The following TTLL13 variants were observed in gnomAD, a reference collection of about 807,000 sequenced individuals.
TTLL13 encodes the protein tubulin polyglutamylase TTLL13.
the TTLL13 span, chr15:90,258,718 G>T: frequency 6.2e-7 from 1 of 1,601,324 alleles, no homozygotes; most frequent in Non-Finnish European, 8.6e-7. Context: ...CTGGGAAAGG[G>T]GTGTATAATG....
chr15:90,255,971 T>A, the TTLL13 span: 53 of 1,595,878 alleles, frequency 3.3e-5, no homozygotes, highest in East Asian at 1.1e-3. Flanking sequence ...CCTAGGAATG[T>A]CTCAGAGGGA....
chr15:90,250,724 C>G, the TTLL13 span: 1 of 1,614,132 alleles, frequency 6.2e-7, no homozygotes, highest in Admixed American at 1.7e-5. Context: ...AGTTACCAAC[C>G]CCTCTAACTC....
chr15:90,256,652 C>G, the TTLL13 span, among the ~76,000 whole-genome samples: 1 of 135,404 alleles, frequency 7.4e-6, no homozygotes, highest in East Asian at 2.1e-4. Context: ...TTTCTTTCTC[C>G]CTTTCCTTCC....
chr15:90,264,257 T>C, the TTLL13 span, among the ~76,000 whole-genome samples: 1 of 152,158 alleles, frequency 6.6e-6, no homozygotes, highest in Admixed American at 6.6e-5. Flanking sequence ...AATGGCTTGA[T>C]CTCACTTCAC....
the TTLL13 span, chr15:90,253,504 T>C: frequency 1.9e-6 from 1 of 515,498 alleles, no homozygotes; most frequent in Non-Finnish European, 3.4e-6. Flanking sequence ...ACCCCCAGGG[T>C]CTTCTTTTCC....
At chr15:90,257,359 T>C in the TTLL13 span, 1 of 1,520,310 alleles carries the variant, frequency 6.6e-7, no homozygotes, top group Non-Finnish European at 8.8e-7. Context: ...GTAGAGAGGT[T>C]TGTCACTGTC....
At chr15:90,249,732 A>T in the TTLL13 span, 1 of 152,244 alleles carries the variant, frequency 6.6e-6, no homozygotes, top group Non-Finnish European at 1.5e-5. Context: ...AAGAGGGGAC[A>T]TGAGCGGCCA....
chr15:90,264,870 A>G, the TTLL13 span: 3 of 1,535,988 alleles, frequency 2.0e-6, no homozygotes, highest in Non-Finnish European at 2.6e-6. Flanking sequence ...TCCATGGTAA[A>G]CTCTGAACAC....
chr15:90,256,520 C>CTT, the TTLL13 span, among the ~76,000 whole-genome samples: 1 of 152,178 alleles, frequency 6.6e-6, no homozygotes, highest in Non-Finnish European at 1.5e-5. Flanking sequence ...TTCTTACCCT[C>CTT]TCTCTGTGCC....
the TTLL13 span, chr15:90,257,489 C>A: frequency 2.1e-6 from 2 of 970,714 alleles, no homozygotes; most frequent in Non-Finnish European, 3.0e-6. Flanking sequence ...CACTCTTCCC[C>A]AGGATCATCT....
the TTLL13 span, chr15:90,265,177 G>A: frequency 7.7e-7 from 1 of 1,295,884 alleles, no homozygotes; most frequent in Non-Finnish European, 1.0e-6. Flanking sequence ...AGAAGATGAA[G>A]AGGCGCCAAG....
chr15:90,260,724 G>A, the TTLL13 span, among the ~76,000 whole-genome samples: 1 of 151,612 alleles, frequency 6.6e-6, no homozygotes, highest in Non-Finnish European at 1.5e-5. Context: ...GGTGGTGCAT[G>A]CCTGTAATCC....
chr15:90,263,665 TCAG>T, the TTLL13 span: 1 of 605,622 alleles, frequency 1.7e-6, no homozygotes, highest in Non-Finnish European at 2.9e-6. Context: ...GAGATTTTTT[TCAG>T]TTACCTCCTT....
At chr15:90,257,020 A>G in the TTLL13 span, 1 of 1,002,098 alleles carries the variant, frequency 1.0e-6, no homozygotes, top group East Asian at 2.7e-5. Context: ...AATAACAGTA[A>G]CTATTTTACA....
the TTLL13 span, chr15:90,258,367 A>C: frequency 9.5e-7 from 1 of 1,055,300 alleles, no homozygotes; most frequent in Non-Finnish European, 1.4e-6. Flanking sequence ...GGAACACAGA[A>C]TGGGAGATGT....
At chr15:90,256,880 G>A in the TTLL13 span, among the ~76,000 whole-genome samples, 8 of 152,054 alleles carry the variant, frequency 5.3e-5, no homozygotes, top group South Asian at 1.5e-3. Flanking sequence ...TAGAGACGGG[G>A]TTTCACCATC....
At chr15:90,260,447 A>G in the TTLL13 span, among the ~76,000 whole-genome samples, 1 of 152,214 alleles carries the variant, frequency 6.6e-6, no homozygotes, top group Non-Finnish European at 1.5e-5. Context: ...TAGCGAACTG[A>G]GACTGCATCA....
chr15:90,264,059 G>GT, the TTLL13 span: 9 of 1,524,756 alleles, frequency 5.9e-6, no homozygotes, highest in East Asian at 9.8e-5. Flanking sequence ...CTCACTAGCC[G>GT]TAAGTATGCA....
At chr15:90,258,003 G>T in the TTLL13 span, 1 of 1,600,840 alleles carries the variant, frequency 6.2e-7, no homozygotes, top group African/African-American at 1.3e-5. Flanking sequence ...CAGTGGCCTA[G>T]AAACTGGCCT....
Sources: gnomAD v4.1 joint callset for allele counts (sites outside exome capture counted in the v4.1 genomes callset) on GRCh38, gnomAD v4.1.1 for gene constraint, MANE v1.5 for transcripts, NCBI Gene and HGNC (gene_info 2026-07-23, HGNC 2026-07-21) for gene names.